Variants in LRP1B observed in about 807,000 individuals in gnomAD.
LRP1B encodes LDL receptor related protein 1B.
A neutral mutation model predicts 556.6 loss-of-function variants in LRP1B; 217 were observed. The ratio of observed to expected loss-of-function variants is 0.39; its 90% CI spans 0.35 to 0.44. The LOEUF (loss-of-function observed/expected upper bound fraction) is 0.44, where lower values mean the gene tolerates loss of function less well. Ranked by LOEUF, LRP1B falls within the 20% of genes least tolerant of loss-of-function variation. The pLI is 1.00. For missense variants in LRP1B, 5,053 were observed against 5,620.8 expected, an observed-to-expected ratio of 0.90 and a Z score of 3.23; for synonymous variants, 2,047 against 1,865.8, an observed-to-expected ratio of 1.10 and a Z score of -2.50.
chr2:140,631,904 G>T (rs1683900558), intron 41 of LRP1B, among the ~76,000 whole-genome samples: 1 of 152,082 alleles, frequency 6.6e-6, no homozygotes, highest in East Asian at 1.9e-4. Flanking sequence ...AGCAGCCAGA[G>T]ACCAAAATAA....
chr2:141,907,727 A>T (rs954748247), intron 1 of LRP1B, among the ~76,000 whole-genome samples: 1 of 151,996 alleles, frequency 6.6e-6, no homozygotes, highest in African/African-American at 2.4e-5. Context: ...GGTTTTGGGG[A>T]TAACACAGTA....
At position 140,787,558 on chromosome 2, in the gene LRP1B, A is replaced by ATTTTTTTTTTTT. The variant is rs756825067; in HGVS notation, c.5360-11332_5360-11321dup. Reference sequence around the variant, plus strand: ...CCTATCTTCCTGTTTAAAACAGAAGATTTTTTTTTTTTTTTTTTTTTTTTT... The same window carrying ATTTTTTTTTTTT: ...CCTATCTTCCTGTTTAAAACAGAAGATTTTTTTTTTTTTTTTTTTTTTTTTTTTTTTTTTTTT... On this transcript the variant is annotated intron_variant, in intron 32 of 90. Coordinates refer to ENST00000389484, the MANE Select transcript of LRP1B (RefSeq NM_018557.3). Among the ~76,000 whole-genome samples, 79 of 44,662 alleles carry ATTTTTTTTTTTT rather than the reference A, an allele frequency of 1.8e-3. 11 individuals are homozygous for ATTTTTTTTTTTT. The East Asian group carries it at 0.028, about 16-fold the overall frequency. 29.3% of individuals were successfully genotyped at this position (44,662 alleles called of 152,430 possible).
In LRP1B at chr2:141,810,094, AAAAAGAAAGAAAGAAAG is replaced by A. The variant is rs1244978545; in HGVS notation, c.205+168_205+184del. On this transcript the variant is annotated intron_variant, in intron 2 of 90. Transcript: ENST00000389484. ...TTTCAAGTTTCTTAGGCTATTTGGA[AAAAAGAAAGAAAGAAAG>A]AAAAAGAAAGAAAGAAAGAAAGAAA... Among the ~76,000 whole-genome samples, 7 of 143,710 alleles carry A rather than the reference AAAAAGAAAGAAAGAAAG, an allele frequency of 4.9e-5. No homozygotes were observed. The East Asian group carries it at 1.1e-3, about 22-fold the overall frequency. The allele number at this position is 143,710 out of a possible 152,430, so 94.3% of individuals were successfully genotyped here. A position where few individuals can be genotyped will look rare whatever the true frequency, so the allele number is the denominator to read the frequency against.
At chr2:141,415,185 T>C (rs1691046805) in intron 3 of LRP1B, among the ~76,000 whole-genome samples, 1 of 152,180 alleles carries the variant, frequency 6.6e-6, no homozygotes, top group Admixed American at 6.5e-5. Context: ...CAGCTAATTT[T>C]TGTATTTTTA....
At chr2:140,674,115 A>AT (rs1271222413) in intron 41 of LRP1B, among the ~76,000 whole-genome samples, 2 of 151,480 alleles carry the variant, frequency 1.3e-5, no homozygotes, top group African/African-American at 4.9e-5. Context: ...CGCCTGGCTA[A>AT]TTTTTTGTAT....
At chr2:141,488,971 T>TGTTTG (rs1553520672) in intron 2 of LRP1B, among the ~76,000 whole-genome samples, 2 of 59,652 alleles carry the variant, frequency 3.4e-5, no homozygotes, top group Non-Finnish European at 1.2e-4. Flanking sequence ...GTTTGTTTTT[T>TGTTTG]TTTGTTTGTT....
At chr2:141,709,553 G>A (rs1261584022) in intron 2 of LRP1B, among the ~76,000 whole-genome samples, 1 of 152,018 alleles carries the variant, frequency 6.6e-6, no homozygotes, top group African/African-American at 2.4e-5. Context: ...TCTTTGTTTG[G>A]TTTTAGAGTT....
At chr2:141,463,428 G>T (rs541264821) in intron 3 of LRP1B, among the ~76,000 whole-genome samples, 1 of 150,364 alleles carries the variant, frequency 6.7e-6, no homozygotes, top group Admixed American at 6.7e-5. Context: ...GAAATACATT[G>T]TGTACCAAAT....
At chr2:140,339,781 G>A (rs1681279301) in intron 77 of LRP1B, among the ~76,000 whole-genome samples, 1 of 151,470 alleles carries the variant, frequency 6.6e-6, no homozygotes, top group Non-Finnish European at 1.5e-5. Context: ...TCATACAGCA[G>A]TGGAGAAATC....
chr2:140,302,908 A>T (rs963809983), intron 83 of LRP1B, among the ~76,000 whole-genome samples: 1 of 151,282 alleles, frequency 6.6e-6, no homozygotes, highest in African/African-American at 2.4e-5. Context: ...ATTTGGACTG[A>T]ATCACATGAC....
At chr2:141,890,442 C>T (rs1699258008) in intron 1 of LRP1B, among the ~76,000 whole-genome samples, 1 of 142,732 alleles carries the variant, frequency 7.0e-6, no homozygotes, top group South Asian at 2.2e-4. Context: ...CATTGGATCT[C>T]ACATACTAAC....
intron 2 of LRP1B, among the ~76,000 whole-genome samples, chr2:141,492,515 G>A (rs1683372026): frequency 6.6e-6 from 1 of 152,120 alleles, no homozygotes; most frequent in Admixed American, 6.6e-5. Context: ...TTGTTCATTG[G>A]TTATTTTACT....
At chr2:141,905,441 A>G (rs1210757270) in intron 1 of LRP1B, among the ~76,000 whole-genome samples, 1 of 151,886 alleles carries the variant, frequency 6.6e-6, no homozygotes, top group East Asian at 1.9e-4. Context: ...AGTGAGTCCA[A>G]TCAACGAGGT....
At chr2:141,980,663 A>T (rs1303491536) in intron 1 of LRP1B, among the ~76,000 whole-genome samples, 6 of 152,280 alleles carry the variant, frequency 3.9e-5, no homozygotes, top group Middle Eastern at 3.4e-3. Context: ...GCACTATCAG[A>T]TTTAATTTTC....
intron 87 of LRP1B, among the ~76,000 whole-genome samples, chr2:140,240,570 T>C (rs562470782): frequency 3.3e-5 from 5 of 150,888 alleles, no homozygotes; most frequent in Non-Finnish European, 7.4e-5. Context: ...GGTTGCCTGA[T>C]AACAGGAAAG....
intron 2 of LRP1B, among the ~76,000 whole-genome samples, chr2:141,603,092 T>C (rs940976572): frequency 6.6e-6 from 1 of 152,226 alleles, no homozygotes; most frequent in African/African-American, 2.4e-5. Flanking sequence ...TGACTTATGA[T>C]TGGCCTGAAT....
chr2:141,959,758 T>C (rs761686727), intron 1 of LRP1B, among the ~76,000 whole-genome samples: 3 of 151,986 alleles, frequency 2.0e-5, no homozygotes, highest in South Asian at 4.1e-4. Flanking sequence ...ATCTGGTGTG[T>C]CTTTTACAAC....
At chr2:141,101,165 A>G (rs1439638563) in intron 7 of LRP1B, among the ~76,000 whole-genome samples, 2 of 152,148 alleles carry the variant, frequency 1.3e-5, no homozygotes. Flanking sequence ...TGCAGAGATC[A>G]TGACATTGTC....
chr2:140,286,639 T>C (rs1370654095), intron 84 of LRP1B, among the ~76,000 whole-genome samples: 1 of 151,904 alleles, frequency 6.6e-6, no homozygotes, highest in African/African-American at 2.4e-5. Flanking sequence ...TCGTCAGTGT[T>C]CTGATCTACT....
Sources: allele counts gnomAD v4.1 joint callset (sites outside exome capture counted in the v4.1 genomes callset), GRCh38; gene constraint gnomAD v4.1.1; transcripts MANE v1.5; gene names NCBI Gene and HGNC (gene_info 2026-07-23, HGNC 2026-07-21).